Variants in PCDH15 observed in about 807,000 individuals in gnomAD.
The protein encoded by PCDH15 is protocadherin related 15.
A neutral mutation model predicts 178.5 loss-of-function variants in PCDH15; 129 were observed. That is an observed-to-expected ratio of 0.72 (90% confidence interval 0.63 to 0.84). The LOEUF (loss-of-function observed/expected upper bound fraction) is 0.84. PCDH15 is among the 40% of genes least tolerant of loss of function. PCDH15 has a pLI of 0.00. For missense variants in PCDH15, 2,230 were observed against 2,099.9 expected, an observed-to-expected ratio of 1.06 and a Z score of -1.21; for synonymous variants, 800 against 732.0, an observed-to-expected ratio of 1.09 and a Z score of -1.50.
At chr10:54,525,867 C>T (rs569692946) in intron 3 of PCDH15, among the ~76,000 whole-genome samples, 2 of 152,308 alleles carry the variant, frequency 1.3e-5, no homozygotes, top group South Asian at 2.1e-4. Context: ...TAAAGCACTA[C>T]ATTATAATAT....
At chr10:55,314,018 T>C (rs1843659157) in intron 1 of PCDH15, among the ~76,000 whole-genome samples, 1 of 151,762 alleles carries the variant, frequency 6.6e-6, no homozygotes, top group Non-Finnish European at 1.5e-5. Flanking sequence ...TAAAGCAAAT[T>C]TAGGCTTATT....
At chr10:54,399,549 G>C (rs539681501) in intron 3 of PCDH15, among the ~76,000 whole-genome samples, 3 of 152,170 alleles carry the variant, frequency 2.0e-5, no homozygotes, top group South Asian at 2.1e-4. Context: ...ATTTTAAAGG[G>C]TGAAAGTCTA....
chr10:54,167,075 A>G (rs952776772), intron 13 of PCDH15, among the ~76,000 whole-genome samples: 1 of 152,172 alleles, frequency 6.6e-6, no homozygotes, highest in Admixed American at 6.5e-5. Flanking sequence ...ATAAACAGCC[A>G]TGTTGCTCAC....
intron 2 of PCDH15, among the ~76,000 whole-genome samples, chr10:55,142,617 T>TTTTTTTTGAGACGGAGTC (rs1554834594): frequency 6.8e-6 from 1 of 147,410 alleles, no homozygotes; most frequent in African/African-American, 2.5e-5. Context: ...TTTATATATT[T>TTTTTTTTGAGACGGAGTC]TCATAAATAT....
intron 2 of PCDH15, among the ~76,000 whole-genome samples, chr10:55,605,100 A>G (rs1843183664): frequency 6.6e-6 from 1 of 151,334 alleles, no homozygotes; most frequent in African/African-American, 2.4e-5. Context: ...AACTACCATC[A>G]GAGAATACTA....
intron 15 of PCDH15, among the ~76,000 whole-genome samples, chr10:54,092,507 A>C (rs1203517344): frequency 6.6e-6 from 1 of 152,192 alleles, no homozygotes; most frequent in Non-Finnish European, 1.5e-5. Flanking sequence ...ATGAAGAAGA[A>C]AGTAATAAAT....
At chr10:55,246,266 G>A (rs1486246692) in intron 1 of PCDH15, among the ~76,000 whole-genome samples, 1 of 152,100 alleles carries the variant, frequency 6.6e-6, no homozygotes, top group Non-Finnish European at 1.5e-5. Flanking sequence ...CTAGGTTCTA[G>A]ACTTGCTTTC....
chr10:54,103,947 C>G (rs558942773), intron 15 of PCDH15, among the ~76,000 whole-genome samples: 3 of 152,130 alleles, frequency 2.0e-5, no homozygotes, highest in Non-Finnish European at 4.4e-5. Context: ...AAAATAAACT[C>G]GAGCAGTTCT....
chr10:54,478,018 T>G (rs2078408567), intron 3 of PCDH15, among the ~76,000 whole-genome samples: 1 of 152,170 alleles, frequency 6.6e-6, no homozygotes, highest in Non-Finnish European at 1.5e-5. Flanking sequence ...TAAATGTTTA[T>G]ATATTTATTG....
At chr10:54,227,324 T>C (rs2053564741) in intron 9 of PCDH15, among the ~76,000 whole-genome samples, 1 of 152,208 alleles carries the variant, frequency 6.6e-6, no homozygotes, top group South Asian at 2.1e-4. Flanking sequence ...ACTCACAGGC[T>C]CAATACTTTG....
At chr10:54,366,622 C>T (rs984396134) in intron 5 of PCDH15, among the ~76,000 whole-genome samples, 1 of 151,408 alleles carries the variant, frequency 6.6e-6, no homozygotes, top group Non-Finnish European at 1.5e-5. Flanking sequence ...AAACTAAGTA[C>T]TAGTACTATG....
At chr10:53,837,382 TTAAAA>T (rs2077366750) in intron 29 of PCDH15, among the ~76,000 whole-genome samples, 1 of 152,006 alleles carries the variant, frequency 6.6e-6, no homozygotes, top group Non-Finnish European at 1.5e-5. Flanking sequence ...AATAAAAAAA[TTAAAA>T]TACCGATAAG....
At chr10:55,071,437 G>C (rs1425951638) in intron 2 of PCDH15, among the ~76,000 whole-genome samples, 9 of 151,882 alleles carry the variant, frequency 5.9e-5, no homozygotes, top group Non-Finnish European at 1.2e-4. Flanking sequence ...AAAAGGCAGG[G>C]GTTGCAATCC....
At chr10:55,008,537 G>A (rs1383617832) in intron 2 of PCDH15, among the ~76,000 whole-genome samples, 12 of 152,252 alleles carry the variant, frequency 7.9e-5, no homozygotes, top group Non-Finnish European at 1.5e-4. Context: ...ATTGGTCTTT[G>A]TAAGATGAGT....
chr10:55,618,913 A>AC (rs200723785), intron 2 of PCDH15, among the ~76,000 whole-genome samples: 248 of 152,196 alleles, frequency 1.6e-3, no homozygotes, highest in African/African-American at 5.9e-3. Context: ...AGGCATGATG[A>AC]CAAAAAAATA....
At chr10:54,027,648 C>A (rs1037223451) in intron 18 of PCDH15, among the ~76,000 whole-genome samples, 1 of 148,688 alleles carries the variant, frequency 6.7e-6, no homozygotes, top group Admixed American at 6.7e-5. Context: ...ATATCTACAA[C>A]TATCTGATCT....
chr10:54,056,765 A>T (rs2093898109), intron 18 of PCDH15, among the ~76,000 whole-genome samples: 1 of 152,090 alleles, frequency 6.6e-6, no homozygotes, highest in South Asian at 2.1e-4. Flanking sequence ...TTAACTCAAC[A>T]GTTGAAGTCC....
intron 5 of PCDH15, among the ~76,000 whole-genome samples, chr10:54,365,333 A>G (rs1946634561): frequency 6.6e-6 from 1 of 152,282 alleles, no homozygotes; most frequent in South Asian, 2.1e-4. Flanking sequence ...CAGTGCTCAT[A>G]ATATAGATAT....
At chr10:54,833,350 T>C (rs1400623427) in intron 3 of PCDH15, among the ~76,000 whole-genome samples, 1 of 152,328 alleles carries the variant, frequency 6.6e-6, no homozygotes, top group African/African-American at 2.4e-5. Context: ...TTTTTAGATG[T>C]GAATGACATT....
Sources: allele counts gnomAD v4.1 joint callset (sites outside exome capture counted in the v4.1 genomes callset), GRCh38; gene constraint gnomAD v4.1.1; transcripts MANE v1.5; gene names NCBI Gene and HGNC (gene_info 2026-07-23, HGNC 2026-07-21).